MBD5: variants seen among roughly 807,000 people sequenced by gnomAD.
MBD5 encodes methyl-CpG-binding domain protein 5.
A neutral mutation model predicts 117.3 loss-of-function variants in MBD5; 13 were observed. The observed-to-expected ratio is 0.11, with a 90% CI of 0.07 to 0.18. MBD5 has a LOEUF of 0.18. Among genes scored for constraint, MBD5 ranks in the 10% least tolerant of loss-of-function variants. The pLI is 1.00. For synonymous variants in MBD5, 727 were observed against 766.4 expected, an observed-to-expected ratio of 0.95 and a Z score of 0.85; for missense variants, 1,879 against 2,093.8, an observed-to-expected ratio of 0.90 and a Z score of 2.00.
intron 2 of MBD5, among the ~76,000 whole-genome samples, chr2:148,213,899 C>T (rs1047733088): frequency 1.3e-5 from 2 of 151,872 alleles, no homozygotes; most frequent in African/African-American, 4.8e-5. Context: ...AAATGTCAGA[C>T]TGAGAATTAA....
At chr2:148,350,906 C>G (rs1703233702) in intron 4 of MBD5, among the ~76,000 whole-genome samples, 1 of 151,870 alleles carries the variant, frequency 6.6e-6, no homozygotes, top group Non-Finnish European at 1.5e-5. Context: ...TGACTTTGTT[C>G]TTTCCTCATT....
At chr2:148,157,748 T>C (rs1002720329) in intron 1 of MBD5, among the ~76,000 whole-genome samples, 1 of 152,232 alleles carries the variant, frequency 6.6e-6, no homozygotes, top group Non-Finnish European at 1.5e-5. Flanking sequence ...TTTTTTATTT[T>C]TTTGATACTA....
intron 1 of MBD5, among the ~76,000 whole-genome samples, chr2:148,030,473 A>G (rs926623353): frequency 3.9e-5 from 6 of 152,166 alleles, no homozygotes; most frequent in African/African-American, 1.2e-4. Flanking sequence ...TAAGTATGCA[A>G]TGTTTATGAA....
chr2:148,327,794 T>C (rs1036666378), intron 3 of MBD5, among the ~76,000 whole-genome samples: 2 of 152,194 alleles, frequency 1.3e-5, no homozygotes, highest in African/African-American at 4.8e-5. Context: ...TGAATGTCCT[T>C]CCATAGCTCG....
intron 4 of MBD5, among the ~76,000 whole-genome samples, chr2:148,353,182 A>G (rs1225618119): frequency 6.6e-6 from 1 of 152,156 alleles, no homozygotes; most frequent in Non-Finnish European, 1.5e-5. Flanking sequence ...AGAGATAAAA[A>G]AACACTTTTG....
At chr2:148,125,766 T>C (rs1696874183) in intron 1 of MBD5, among the ~76,000 whole-genome samples, 1 of 152,246 alleles carries the variant, frequency 6.6e-6, no homozygotes, top group South Asian at 2.1e-4. Context: ...TTCCTTGATG[T>C]CTGGGACTGT....
In MBD5 at chr2:148,469,588, A is replaced by T. The variant is rs796052710; in HGVS notation, c.1645A>T (p.Ser549Cys). 3.1e-6 allele frequency: 5 copies of T among 1,613,804 alleles called. No individual in the cohort carries two copies. The highest frequency in any genetic ancestry group is 4.2e-6 in the Non-Finnish European group (5 of 1,179,934). ...TTTTCCTACTGCATCTGCCGGAAGT[A>T]GTTCTGTAAAGAGTCAGCCTGGTTT... ...AAFPTASAGSSSVKSQPGLLG... is the reference protein window; with the variant it reads ...AAFPTASAGSCSVKSQPGLLG... The change falls in exon 8 of 14, where the codon AGT (serine) becomes TGT (cysteine). Residue 549 changes from serine (S) to cysteine (C), a missense_variant. Coordinates refer to ENST00000642680, the MANE Select transcript of MBD5 (RefSeq NM_001378120.1).
At chr2:148,434,027 T>C (rs1001406835) in intron 4 of MBD5, among the ~76,000 whole-genome samples, 1 of 152,088 alleles carries the variant, frequency 6.6e-6, no homozygotes, top group African/African-American at 2.4e-5. Context: ...CCTGGGTTTT[T>C]TCTGGTTGGT....
intron 1 of MBD5, among the ~76,000 whole-genome samples, chr2:148,161,208 T>C (rs920693582): frequency 6.6e-6 from 1 of 152,172 alleles, no homozygotes; most frequent in Non-Finnish European, 1.5e-5. Context: ...AACACCCCTA[T>C]CTTAGGCTTA....
intron 8 of MBD5, among the ~76,000 whole-genome samples, chr2:148,475,344 T>C (rs796709224): frequency 5.3e-5 from 8 of 152,292 alleles, no homozygotes; most frequent in African/African-American, 1.9e-4. Context: ...ATTTATTCTT[T>C]GCTGTAAGAC....
chr2:148,344,781 A>G (rs903531894), intron 4 of MBD5, among the ~76,000 whole-genome samples: 1 of 151,850 alleles, frequency 6.6e-6, no homozygotes, highest in Non-Finnish European at 1.5e-5. Flanking sequence ...AATATCATCC[A>G]CCTTAAATTC....
At chr2:148,484,275 T>A in intron 9 of MBD5, 140 bp downstream of exon 9, 3 of 697,358 alleles carry the variant, frequency 4.3e-6, no homozygotes, top group Non-Finnish European at 6.8e-6. Flanking sequence ...GAACTAAATA[T>A]AACAACACCC....
intron 4 of MBD5, among the ~76,000 whole-genome samples, chr2:148,363,382 G>A (rs1043269855): frequency 7.2e-5 from 11 of 152,124 alleles, no homozygotes; most frequent in East Asian, 3.9e-4. Context: ...ACAGGCGCCC[G>A]CCACCACGCC....
chr2:148,036,048 T>C (rs1004595427), intron 1 of MBD5, among the ~76,000 whole-genome samples: 1 of 152,202 alleles, frequency 6.6e-6, no homozygotes, highest in Non-Finnish European at 1.5e-5. Context: ...ATTCTATTTA[T>C]AGTTCTTTGA....
intron 1 of MBD5, among the ~76,000 whole-genome samples, chr2:148,077,024 A>G (rs1487668510): frequency 1.3e-5 from 2 of 152,218 alleles, no homozygotes; most frequent in African/African-American, 4.8e-5. Context: ...GGACTATGCA[A>G]CAGAGACTGT....
intron 11 of MBD5, among the ~76,000 whole-genome samples, chr2:148,501,357 T>G (rs1681866388): frequency 6.6e-6 from 1 of 152,184 alleles, no homozygotes; most frequent in South Asian, 2.1e-4. Flanking sequence ...ACTCTGTATT[T>G]TTATGTAACA....
At chr2:148,499,962 T>C (rs1428577013) in intron 11 of MBD5, among the ~76,000 whole-genome samples, 2 of 152,328 alleles carry the variant, frequency 1.3e-5, no homozygotes, top group South Asian at 2.1e-4. Flanking sequence ...GATCTTGTTA[T>C]AGCAGAAATG....
At chr2:148,385,348 C>A (rs1307529305) in intron 4 of MBD5, among the ~76,000 whole-genome samples, 1 of 152,150 alleles carries the variant, frequency 6.6e-6, no homozygotes, top group Non-Finnish European at 1.5e-5. Flanking sequence ...AGCCAAAAGA[C>A]ACATGAAAAA....
intron 3 of MBD5, among the ~76,000 whole-genome samples, chr2:148,310,010 G>A (rs1044360216): frequency 1.3e-5 from 2 of 152,152 alleles, no homozygotes; most frequent in African/African-American, 2.4e-5. Flanking sequence ...TGATCATGGT[G>A]GATAAGCTCT....
Sources: allele counts gnomAD v4.1 joint callset (sites outside exome capture counted in the v4.1 genomes callset), GRCh38; gene constraint gnomAD v4.1.1; transcripts MANE v1.5; gene names NCBI Gene and HGNC (gene_info 2026-07-23, HGNC 2026-07-21).